The following NELL2 variants were observed in gnomAD, a reference collection of about 807,000 sequenced individuals.
The protein encoded by NELL2 is protein kinase C-binding protein NELL2.
A neutral mutation model predicts 109.6 loss-of-function variants in NELL2; 41 were observed. That is an observed-to-expected ratio of 0.37 (90% CI 0.29 to 0.49). The LOEUF (loss-of-function observed/expected upper bound fraction) is 0.49, where lower values mean the gene tolerates loss of function less well. NELL2 is among the 20% of genes least tolerant of loss of function. The pLI is 0.98. For synonymous variants in NELL2, 355 were observed against 344.7 expected (o/e 1.03, Z -0.33); for missense variants, 900 against 1,008.3 (o/e 0.89, Z 1.45).
At chr12:44,517,587 T>A (rs1244010445) in intron 19 of NELL2, among the ~76,000 whole-genome samples, 2 of 152,186 alleles carry the variant, frequency 1.3e-5, no homozygotes, top group South Asian at 2.1e-4. Flanking sequence ...CAGTGTGCTA[T>A]CTAATATGAC....
intron 15 of NELL2, among the ~76,000 whole-genome samples, chr12:44,543,511 T>C (rs908118048): frequency 6.6e-6 from 1 of 152,128 alleles, no homozygotes; most frequent in Non-Finnish European, 1.5e-5. Context: ...TTCCCATTCA[T>C]GGAGAATTTT....
intron 2 of NELL2, among the ~76,000 whole-genome samples, chr12:44,848,679 G>C (rs995020279): frequency 6.6e-6 from 1 of 152,212 alleles, no homozygotes. Context: ...GAGAGAGAGA[G>C]AGAGAGAAGG....
chr12:44,920,633 A>G (rs772923730), intron 1 of NELL2, among the ~76,000 whole-genome samples: 21 of 152,338 alleles, frequency 1.4e-4, no homozygotes, highest in Middle Eastern at 3.4e-3. Flanking sequence ...CTTGTGATGC[A>G]CATATCACAT....
chr12:44,562,649 C>T (rs780562895), intron 15 of NELL2, among the ~76,000 whole-genome samples: 26 of 152,016 alleles, frequency 1.7e-4, no homozygotes, highest in Non-Finnish European at 2.5e-4. Context: ...ATGGCAATCA[C>T]TAAAAAGTTA....
intron 9 of NELL2, among the ~76,000 whole-genome samples, chr12:44,760,942 T>C (rs1265147846): frequency 6.6e-6 from 1 of 152,144 alleles, no homozygotes; most frequent in Non-Finnish European, 1.5e-5. Flanking sequence ...AGAAACATTA[T>C]GAAAACATAT....
chr12:44,846,600 T>C (rs796851750), intron 2 of NELL2, among the ~76,000 whole-genome samples: 2 of 152,328 alleles, frequency 1.3e-5, no homozygotes, highest in African/African-American at 4.8e-5. Flanking sequence ...CCAATTTTTC[T>C]TCCAAATTCT....
At chr12:44,710,656 G>C (rs1399201544) in intron 11 of NELL2, among the ~76,000 whole-genome samples, 1 of 152,088 alleles carries the variant, frequency 6.6e-6, no homozygotes, top group Non-Finnish European at 1.5e-5. Context: ...GGGGTGGCCT[G>C]TTGCATTTTT....
intron 3 of NELL2, among the ~76,000 whole-genome samples, chr12:44,794,733 C>A (rs570585360): frequency 6.6e-6 from 1 of 152,072 alleles, no homozygotes; most frequent in Non-Finnish European, 1.5e-5. Flanking sequence ...ATAAAATGTA[C>A]CAACATTTTA....
chr12:44,804,582 G>A (rs1555220471), intron 3 of NELL2, among the ~76,000 whole-genome samples: 1 of 151,688 alleles, frequency 6.6e-6, no homozygotes, highest in South Asian at 2.1e-4. Flanking sequence ...GTAAACTGTA[G>A]AAAAAAATTA....
At chr12:44,581,890 T>A (rs1179073267) in intron 15 of NELL2, among the ~76,000 whole-genome samples, 2 of 152,134 alleles carry the variant, frequency 1.3e-5, no homozygotes, top group Non-Finnish European at 2.9e-5. Flanking sequence ...AAGAAAAAAG[T>A]ATCTGATGAT....
chr12:44,572,551 G>A lies in NELL2; in HGVS notation c.1663+34618C>T, dbSNP rs185561808. The stretch of plus-strand genomic sequence containing the variant: ...GGAAACATACTAGGAATTTATTTTA[G>A]CTTTCATATTCACTCATTTTAACAT... On this transcript the variant is annotated intron_variant, in intron 15 of 19. Coordinates refer to ENST00000429094, the MANE Select transcript of NELL2 (RefSeq NM_001145108.2). Among the ~76,000 whole-genome samples, 1,206 of 152,202 alleles carry A rather than the reference G, an allele frequency of 7.9e-3. 8 individuals are homozygous for A. Among genetic ancestry groups the A allele is most frequent in the Non-Finnish European group, 0.014 (926 of 68,020 alleles).
intron 12 of NELL2, among the ~76,000 whole-genome samples, chr12:44,695,134 G>A (rs1386356821): frequency 1.4e-5 from 2 of 143,656 alleles, no homozygotes; most frequent in African/African-American, 5.1e-5. Context: ...GAGGAAGGAA[G>A]AAAAGAAGGA....
chr12:44,673,003 A>T (rs1948191968), intron 12 of NELL2, among the ~76,000 whole-genome samples: 1 of 152,242 alleles, frequency 6.6e-6, no homozygotes. Context: ...TCTCATAGAC[A>T]TATAAGATTC....
intron 2 of NELL2, among the ~76,000 whole-genome samples, chr12:44,820,375 G>A (rs1021972894): frequency 6.6e-6 from 1 of 152,102 alleles, no homozygotes; most frequent in Non-Finnish European, 1.5e-5. Flanking sequence ...TTGGGAGTCC[G>A]AAGCGGACAG....
At chr12:44,686,784 A>T (rs1948732430) in intron 12 of NELL2, among the ~76,000 whole-genome samples, 1 of 152,194 alleles carries the variant, frequency 6.6e-6, no homozygotes, top group Admixed American at 6.5e-5. Context: ...TCAGATCTCC[A>T]GCTGCGTGCT....
At chr12:44,791,187 TA>T in intron 3 of NELL2, among the ~76,000 whole-genome samples, 1 of 26,816 alleles carries the variant, frequency 3.7e-5, no homozygotes. Flanking sequence ...TTCCATCATA[TA>T]TATATATATA....
At chr12:44,582,841 G>A (rs1446729114) in intron 15 of NELL2, among the ~76,000 whole-genome samples, 1 of 152,000 alleles carries the variant, frequency 6.6e-6, no homozygotes, top group Non-Finnish European at 1.5e-5. Flanking sequence ...GAGGTGATTA[G>A]GTCATGAGGA....
chr12:44,565,637 G>C (rs181667109), intron 15 of NELL2, among the ~76,000 whole-genome samples: 20 of 152,256 alleles, frequency 1.3e-4, no homozygotes, highest in South Asian at 4.1e-4. Flanking sequence ...AAGTCAGAAT[G>C]CTTGAGTTCC....
At chr12:44,626,493 C>T (rs1419367230) in intron 13 of NELL2, among the ~76,000 whole-genome samples, 3 of 152,292 alleles carry the variant, frequency 2.0e-5, no homozygotes, top group Admixed American at 2.0e-4. Context: ...CTTCACAACA[C>T]TTGTTCCTCT....
Sources: gnomAD v4.1 joint callset for allele counts (sites outside exome capture counted in the v4.1 genomes callset) on GRCh38, gnomAD v4.1.1 for gene constraint, MANE v1.5 for transcripts, NCBI Gene and HGNC (gene_info 2026-07-23, HGNC 2026-07-21) for gene names.